The following PTPRT variants were observed in gnomAD, a reference collection of about 807,000 sequenced individuals.
PTPRT encodes protein tyrosine phosphatase receptor type T, also known as receptor-type tyrosine-protein phosphatase T.
Under a neutral mutation model 176.8 loss-of-function variants are expected in PTPRT, and 56 were observed. That is an observed-to-expected ratio of 0.32 (90% CI 0.26 to 0.40). PTPRT has a LOEUF of 0.40. Among genes scored for constraint, PTPRT ranks in the 10% least tolerant of loss-of-function variants. PTPRT has a pLI of 1.00. For synonymous variants in PTPRT, 783 were observed against 739.0 expected (o/e 1.06, Z -0.96); for missense variants, 1,540 against 1,908.2 (o/e 0.81, Z 3.60).
intron 1 of PTPRT, among the ~76,000 whole-genome samples, chr20:43,111,019 T>C (rs1268628963): frequency 6.6e-6 from 1 of 152,040 alleles, no homozygotes; most frequent in East Asian, 1.9e-4. Flanking sequence ...ATGCATCTAC[T>C]ACATCTGGAA....
chr20:42,999,309 T>C (rs750931217), intron 1 of PTPRT, among the ~76,000 whole-genome samples: 18 of 152,184 alleles, frequency 1.2e-4, no homozygotes, highest in Non-Finnish European at 2.4e-4. Context: ...TATTTCCACA[T>C]GGCGGGATTA....
chr20:42,631,543 T>C (rs370659715), intron 7 of PTPRT, among the ~76,000 whole-genome samples: 8 of 152,208 alleles, frequency 5.3e-5, no homozygotes, highest in African/African-American at 1.9e-4. Flanking sequence ...GGGGCAGAAA[T>C]AGAAGTCAAG....
At chr20:42,517,098 G>T (rs1035860920) in intron 7 of PTPRT, among the ~76,000 whole-genome samples, 6 of 151,940 alleles carry the variant, frequency 3.9e-5, no homozygotes, top group Non-Finnish European at 5.9e-5. Flanking sequence ...AAGATTTTAT[G>T]TAAGATTAGA....
intron 9 of PTPRT, among the ~76,000 whole-genome samples, chr20:42,390,373 T>G (rs2058789560): frequency 6.6e-6 from 1 of 152,142 alleles, no homozygotes; most frequent in South Asian, 2.1e-4. Context: ...CAGGAATCAT[T>G]TGTCACCATG....
chr20:42,174,783 A>AC (rs1322542582), intron 16 of PTPRT, among the ~76,000 whole-genome samples: 2 of 152,084 alleles, frequency 1.3e-5, no homozygotes, highest in Non-Finnish European at 2.9e-5. Context: ...TGACACCATC[A>AC]CCTACTGCCT....
At chr20:42,040,159 G>T in the PTPRT span, among the ~76,000 whole-genome samples, 1 of 152,074 alleles carries the variant, frequency 6.6e-6, no homozygotes, top group Admixed American at 6.5e-5. Flanking sequence ...TCTCCTTGTG[G>T]TTGTAAGTGG....
intron 7 of PTPRT, among the ~76,000 whole-genome samples, chr20:42,666,852 A>G (rs2075325336): frequency 6.6e-6 from 1 of 152,032 alleles, no homozygotes; most frequent in South Asian, 2.1e-4. Context: ...ATTTTTGTTT[A>G]TTTGCTTTGT....
intron 1 of PTPRT, among the ~76,000 whole-genome samples, chr20:42,998,609 A>G (rs1423023291): frequency 2.0e-5 from 3 of 152,240 alleles, no homozygotes; most frequent in African/African-American, 7.2e-5. Flanking sequence ...TGCTCAATAA[A>G]TATTAGTGGA....
At position 42,202,653 on chromosome 20, in the gene PTPRT, T is replaced by C. The variant is rs549784054; in HGVS notation, c.2343-3265A>G. Among the ~76,000 whole-genome samples the C allele has an allele frequency of 2.1e-4, 32 of 152,366 alleles. No individual in the cohort carries two copies. The South Asian group carries it at 6.0e-3, about 29-fold the overall frequency. On this transcript the variant is annotated intron_variant, in intron 15 of 30. Coordinates refer to ENST00000373187, the MANE Select transcript of PTPRT (RefSeq NM_007050.6). ...TTAATCATAAATTTGAAAAGAAATA[T>C]AGCAGATTCTTTGCTTCTATCTGAG...
At chr20:42,414,334 T>A (rs1159728980) in intron 9 of PTPRT, among the ~76,000 whole-genome samples, 5 of 152,248 alleles carry the variant, frequency 3.3e-5, no homozygotes, top group Admixed American at 3.3e-4. Flanking sequence ...TTCTGTTTAA[T>A]GTTGAAATAA....
At chr20:42,557,215 T>C (rs1411188658) in intron 7 of PTPRT, among the ~76,000 whole-genome samples, 1 of 152,106 alleles carries the variant, frequency 6.6e-6, no homozygotes, top group African/African-American at 2.4e-5. Context: ...TAAATGTATA[T>C]TAAGTACTCA....
chr20:42,880,486 C>G (rs1329097139), intron 2 of PTPRT, among the ~76,000 whole-genome samples: 1 of 152,204 alleles, frequency 6.6e-6, no homozygotes, highest in Non-Finnish European at 1.5e-5. Context: ...GCCACCCAAG[C>G]CCCACTACCT....
intron 9 of PTPRT, among the ~76,000 whole-genome samples, chr20:42,370,206 G>A (rs1012272665): frequency 6.6e-6 from 1 of 152,182 alleles, no homozygotes; most frequent in Admixed American, 6.5e-5. Flanking sequence ...TCATTTCACT[G>A]CCATGTAACT....
intron 7 of PTPRT, among the ~76,000 whole-genome samples, chr20:42,665,493 T>G (rs1569067408): frequency 6.6e-6 from 1 of 152,070 alleles, no homozygotes; most frequent in African/African-American, 2.4e-5. Context: ...ACACTGTTGG[T>G]GGGACTGTAA....
In PTPRT at chr20:42,076,415, T is replaced by G. The variant is rs1982779960; in HGVS notation, c.*4464A>C. On this transcript the variant is annotated 3_prime_UTR_variant, in exon 31 of 31. Coordinates refer to ENST00000373187, the MANE Select transcript of PTPRT (RefSeq NM_007050.6). ...TCCAGCTTCTCTTTTCCCTTTAGGG[T>G]TTTGTGGGCTCATCCTTCTCCACGC... 1 of 200,564 alleles carries G rather than the reference T, an allele frequency of 5.0e-6. No individual in the cohort carries two copies. Among genetic ancestry groups the G allele is most frequent in the African/African-American group, 2.3e-5 (1 of 43,498 alleles). 12.4% of individuals were successfully genotyped at this position (200,564 alleles called of 1,614,324 possible).
At chr20:43,036,563 GA>G (rs1600665171) in intron 1 of PTPRT, among the ~76,000 whole-genome samples, 3 of 131,562 alleles carry the variant, frequency 2.3e-5, no homozygotes, top group African/African-American at 1.1e-4. Context: ...TTGTGTTTAA[GA>G]ATTTACAAAA....
intron 6 of PTPRT, among the ~76,000 whole-genome samples, chr20:42,689,909 A>G (rs2075764865): frequency 3.3e-5 from 5 of 152,102 alleles, no homozygotes. Flanking sequence ...TCTGACCTCC[A>G]ATGCTATAAG....
intron 1 of PTPRT, among the ~76,000 whole-genome samples, chr20:43,032,560 A>C (rs1986187980): frequency 6.6e-6 from 1 of 152,048 alleles, no homozygotes; most frequent in African/African-American, 2.4e-5. Context: ...GGAGAAGGGA[A>C]ACCATTTTTG....
chr20:42,903,812 G>C (rs894669800), intron 1 of PTPRT, among the ~76,000 whole-genome samples: 1 of 152,224 alleles, frequency 6.6e-6, no homozygotes, highest in Non-Finnish European at 1.5e-5. Context: ...AGATCACAAG[G>C]ATGGTGATGG....
Sources: gnomAD v4.1 joint callset for allele counts (sites outside exome capture counted in the v4.1 genomes callset) on GRCh38, gnomAD v4.1.1 for gene constraint, MANE v1.5 for transcripts, NCBI Gene and HGNC (gene_info 2026-07-23, HGNC 2026-07-21) for gene names.